Variants in PCDHA13 observed in about 807,000 individuals in gnomAD.
PCDHA13 encodes the protein protocadherin alpha-13.
Under a neutral mutation model 64.8 loss-of-function variants are expected in PCDHA13, and 54 were observed. That is an observed-to-expected ratio of 0.83 (90% CI 0.67 to 1.04). PCDHA13 has a LOEUF of 1.04. PCDHA13 is among the 50% of genes least tolerant of loss of function. The pLI is 0.00. For synonymous variants in PCDHA13, 587 were observed against 564.4 expected (o/e 1.04, Z -0.57); for missense variants, 1,248 against 1,254.3 (o/e 0.99, Z 0.08).
chr5:140,994,149 G>A (rs1299780463), intron 3 of PCDHA13, among the ~76,000 whole-genome samples: 2 of 152,174 alleles, frequency 1.3e-5, no homozygotes, highest in Non-Finnish European at 2.9e-5. Context: ...TACGTAGGTA[G>A]GGTCAACGAA....
At chr5:140,899,403 G>A (rs1458189120) in intron 1 of PCDHA13, among the ~76,000 whole-genome samples, 6 of 152,230 alleles carry the variant, frequency 3.9e-5, no homozygotes, top group Admixed American at 1.3e-4. Context: ...AGCATGAAGG[G>A]TTGTTGAATT....
At chr5:140,941,209 T>TCC (rs59604197) in intron 1 of PCDHA13, among the ~76,000 whole-genome samples, 12 of 126,888 alleles carry the variant, frequency 9.5e-5, no homozygotes, top group Admixed American at 4.0e-4. Flanking sequence ...CTTCCTTTCT[T>TCC]TCTTCCTTTC....
At chr5:140,886,155 T>A (rs528104847) in intron 1 of PCDHA13, among the ~76,000 whole-genome samples, 1 of 152,330 alleles carries the variant, frequency 6.6e-6, no homozygotes, top group South Asian at 2.1e-4. Flanking sequence ...CACCTTTTTA[T>A]AGCCACATCT....
Position 141,010,647 on chromosome 5 carries a change from GT to G in PCDHA13, c.*714del, listed in dbSNP as rs782752760. ...CATACCTGCAAGCCAACAGTTCAGT[GT>G]TTTAACAGAGAACCACCCTGGGAAA... On this transcript the variant is annotated 3_prime_UTR_variant, in exon 4 of 4. Coordinates refer to ENST00000289272, the MANE Select transcript of PCDHA13 (RefSeq NM_018904.3). 4.6e-5 allele frequency: 8 copies of G among 173,154 alleles called. No homozygotes were observed. Among genetic ancestry groups the G allele is most frequent in the Admixed American group, 1.2e-4 (2 of 16,978 alleles). 10.7% of individuals were successfully genotyped at this position (173,154 alleles called of 1,614,324 possible).
intron 3 of PCDHA13, among the ~76,000 whole-genome samples, chr5:140,997,458 G>A (rs1167865060): frequency 5.3e-5 from 8 of 152,070 alleles, no homozygotes; most frequent in African/African-American, 1.7e-4. Flanking sequence ...ACTGAATACT[G>A]TAGGCAATTT....
chr5:141,000,080 G>T (rs1554257118), intron 3 of PCDHA13, among the ~76,000 whole-genome samples: 1 of 152,068 alleles, frequency 6.6e-6, no homozygotes, highest in Non-Finnish European at 1.5e-5. Context: ...ACAATGCTAG[G>T]CCTGTGAATG....
chr5:140,985,471 G>A (rs926791157), intron 3 of PCDHA13, among the ~76,000 whole-genome samples: 4 of 152,148 alleles, frequency 2.6e-5, no homozygotes, highest in African/African-American at 9.7e-5. Flanking sequence ...AAAAAATTTG[G>A]TTGTTTCCAG....
At chr5:140,888,222 G>T (rs956304839) in intron 1 of PCDHA13, among the ~76,000 whole-genome samples, 1 of 152,168 alleles carries the variant, frequency 6.6e-6, no homozygotes, top group African/African-American at 2.4e-5. Flanking sequence ...GTGTGTGTGT[G>T]CATGTGTGTG....
intron 1 of PCDHA13, among the ~76,000 whole-genome samples, chr5:140,885,620 G>A (rs1480920354): frequency 1.3e-5 from 2 of 152,120 alleles, no homozygotes; most frequent in Non-Finnish European, 2.9e-5. Context: ...TATAAAATAT[G>A]TCACTGGATT....
intron 1 of PCDHA13, among the ~76,000 whole-genome samples, chr5:140,961,765 T>C (rs2095634679): frequency 6.6e-6 from 1 of 152,244 alleles, no homozygotes; most frequent in African/African-American, 2.4e-5. Flanking sequence ...AAGGAATTTA[T>C]ATCAAGCTTA....
chr5:140,928,276 G>A (rs2153595075), intron 1 of PCDHA13: 2 of 1,614,172 alleles, frequency 1.2e-6, no homozygotes, highest in South Asian at 1.1e-5. Context: ...TGGCCCTGGG[G>A]CCTCTCTAGG....
chr5:140,908,756 C>A (rs2074138062), intron 1 of PCDHA13, among the ~76,000 whole-genome samples: 1 of 152,106 alleles, frequency 6.6e-6, no homozygotes, highest in Non-Finnish European at 1.5e-5. Flanking sequence ...TTGCACACAG[C>A]CTGGACGTGT....
In PCDHA13 at chr5:141,010,301, A is replaced by G. The variant is rs1232797660; in HGVS notation, c.*364A>G. On this transcript the variant is annotated 3_prime_UTR_variant, in exon 4 of 4. Coordinates refer to ENST00000289272, the MANE Select transcript of PCDHA13 (RefSeq NM_018904.3). ...TTGATGACACTTGCAGGGCAGGCTG[A>G]AAAGTTTTGAGATTGAGCAGCTTGG... 1 of 1,548,942 alleles carries G rather than the reference A, an allele frequency of 6.5e-7. No individual in the cohort carries two copies. Among genetic ancestry groups the G allele is most frequent in the African/African-American group, 1.4e-5 (1 of 72,848 alleles).
At chr5:140,921,750 C>T (rs2080373281) in intron 1 of PCDHA13, among the ~76,000 whole-genome samples, 2 of 152,056 alleles carry the variant, frequency 1.3e-5, no homozygotes, top group African/African-American at 4.8e-5. Context: ...CATAACAGGA[C>T]ACTTCTTGGC....
At chr5:141,000,361 G>GTC (rs148596731) in intron 3 of PCDHA13, among the ~76,000 whole-genome samples, 441 of 26,430 alleles carry the variant, frequency 0.017, 8 homozygotes, top group Non-Finnish European at 0.02. Flanking sequence ...GTCTCTCTCT[G>GTC]TCTCTCTCTC....
intron 1 of PCDHA13, among the ~76,000 whole-genome samples, chr5:140,890,820 G>T (rs945332484): frequency 1.3e-5 from 2 of 152,080 alleles, no homozygotes; most frequent in East Asian, 3.9e-4. Flanking sequence ...TGTTTTAAAT[G>T]TACTTACATA....
At chr5:140,968,464 C>T (rs1554230763) in intron 1 of PCDHA13, 4 of 1,613,996 alleles carry the variant, frequency 2.5e-6, no homozygotes, top group Admixed American at 1.7e-5. Flanking sequence ...TGACTGCCAA[C>T]GTATATGTGG....
intron 1 of PCDHA13, among the ~76,000 whole-genome samples, chr5:140,925,082 AAAGGAAGG>A (rs138596875): frequency 4.1e-5 from 6 of 147,388 alleles, no homozygotes; most frequent in Admixed American, 1.3e-4. Flanking sequence ...GCTCATCTGG[AAAGGAAGG>A]AAGGAAGGAA....
At chr5:140,987,431 C>G (rs187493051) in intron 3 of PCDHA13, among the ~76,000 whole-genome samples, 1 of 152,232 alleles carries the variant, frequency 6.6e-6, no homozygotes, top group East Asian at 1.9e-4. Context: ...AGCAGGGGGC[C>G]TTTCCCCATG....
Sources: allele counts gnomAD v4.1 joint callset (sites outside exome capture counted in the v4.1 genomes callset), GRCh38; gene constraint gnomAD v4.1.1; transcripts MANE v1.5; gene names NCBI Gene and HGNC (gene_info 2026-07-23, HGNC 2026-07-21).